Variants in CHSY3 observed in about 807,000 individuals in gnomAD.
CHSY3 encodes the protein N-acetylgalactosaminyl-proteoglycan 3-beta-glucuronosyltransferase 3.
Under a neutral mutation model 67.2 loss-of-function variants are expected in CHSY3, and 35 were observed. The ratio of observed to expected loss-of-function variants is 0.52; its 90% CI spans 0.40 to 0.69. The LOEUF is 0.69. Among genes scored for constraint, CHSY3 ranks in the 30% least tolerant of loss-of-function variants. The pLI is 0.00. For synonymous variants in CHSY3, 474 were observed against 434.7 expected (o/e 1.09, Z -1.12); for missense variants, 1,069 against 1,138.5 (o/e 0.94, Z 0.88).
At chr5:129,938,149 G>A (rs1354673047) in intron 2 of CHSY3, among the ~76,000 whole-genome samples, 1 of 152,202 alleles carries the variant, frequency 6.6e-6, no homozygotes, top group Non-Finnish European at 1.5e-5. Flanking sequence ...ACCCTCCAAA[G>A]CAACAGCCCA....
intron 2 of CHSY3, among the ~76,000 whole-genome samples, chr5:129,923,933 A>C (rs902625766): frequency 6.6e-6 from 1 of 152,254 alleles, no homozygotes; most frequent in Middle Eastern, 3.2e-3. Flanking sequence ...GACTGCATAA[A>C]TGTATTTGTT....
At chr5:130,008,066 C>T (rs1316569979) in intron 2 of CHSY3, among the ~76,000 whole-genome samples, 1 of 152,224 alleles carries the variant, frequency 6.6e-6, no homozygotes, top group Non-Finnish European at 1.5e-5. Context: ...TCATCTGCAG[C>T]ATCGCCCACC....
In CHSY3 at chr5:130,153,310, AC is replaced by A. The variant is rs1051281312; in HGVS notation, c.1087-30918del. 2.6e-4 allele frequency among the ~76,000 whole-genome samples: 40 copies of A among 152,094 alleles called. 1 individual carries two copies. Among genetic ancestry groups the A allele is most frequent in the African/African-American group, 9.4e-4 (39 of 41,504 alleles). On this transcript the variant is annotated intron_variant, in intron 2 of 2. Coordinates refer to ENST00000305031, the MANE Select transcript of CHSY3 (RefSeq NM_175856.5). ...AATTACCATTCTTGAGAAAAAAAAA[AC>A]ATACGACATAATTCACCAACTGCTT...
rs192036280 is a variant in CHSY3, at chr5:130,061,050, G to C, written c.1087-123179G>C. On this transcript the variant is annotated intron_variant, in intron 2 of 2. Transcript: ENST00000305031. ...AATTTCAATATCATTTTTCATAGAA[G>C]TATAAAAAACTCCTAAAGTTCATAT... Among the ~76,000 whole-genome samples the C allele has an allele frequency of 4.6e-5, 7 of 152,082 alleles. No individual in the cohort carries two copies. In the East Asian group the frequency reaches 1.4e-3, roughly 29 times the overall value.
chr5:129,904,780 C>A lies in CHSY3; in HGVS notation c.-50C>A. 2 of 1,311,324 alleles carry A rather than the reference C, an allele frequency of 1.5e-6. No individual in the cohort carries two copies. Among genetic ancestry groups the A allele is most frequent in the Non-Finnish European group, 1.9e-6 (2 of 1,031,166 alleles). 81.2% of individuals were successfully genotyped at this position (1,311,324 alleles called of 1,614,324 possible). ...GGGCGGGTGTGAGCCGGGGAAACCGCGTGCCGCGCCGCGACAGCCCAGCGA... is the reference window on the plus strand; with the variant it reads ...GGGCGGGTGTGAGCCGGGGAAACCGAGTGCCGCGCCGCGACAGCCCAGCGA... On this transcript the variant is annotated 5_prime_UTR_variant, in exon 1 of 3. Transcript: ENST00000305031.
intron 2 of CHSY3, among the ~76,000 whole-genome samples, chr5:129,962,781 T>G (rs1368776941): frequency 6.6e-6 from 1 of 152,012 alleles, no homozygotes; most frequent in Non-Finnish European, 1.5e-5. Flanking sequence ...GATGGCTGAA[T>G]TCCGGCTTCA....
chr5:129,947,109 A>C (rs1308615516), intron 2 of CHSY3, among the ~76,000 whole-genome samples: 2 of 152,178 alleles, frequency 1.3e-5, no homozygotes, highest in African/African-American at 4.8e-5. Flanking sequence ...GGCCTCAGGA[A>C]ACTTACAATC....
At chr5:130,178,559 G>A (rs1173606302) in intron 2 of CHSY3, among the ~76,000 whole-genome samples, 1 of 151,852 alleles carries the variant, frequency 6.6e-6, no homozygotes, top group African/African-American at 2.4e-5. Flanking sequence ...GCCGTGGTCT[G>A]GTTTTATGTT....
At chr5:130,055,991 A>G (rs908503528) in intron 2 of CHSY3, among the ~76,000 whole-genome samples, 155 of 152,294 alleles carry the variant, frequency 1.0e-3, no homozygotes, top group African/African-American at 3.6e-3. Flanking sequence ...TTTTGATCAC[A>G]TAAGTATTAA....
intron 2 of CHSY3, among the ~76,000 whole-genome samples, chr5:129,916,080 G>A (rs2149579432): frequency 6.6e-6 from 1 of 152,318 alleles, no homozygotes; most frequent in East Asian, 1.9e-4. Flanking sequence ...TATGGTCATA[G>A]TGTACTATTA....
intron 2 of CHSY3, among the ~76,000 whole-genome samples, chr5:130,071,159 A>C (rs956052506): frequency 2.0e-5 from 3 of 152,078 alleles, no homozygotes; most frequent in Admixed American, 2.0e-4. Context: ...CTCTATAATA[A>C]GGCTGCTGAG....
At chr5:130,008,629 T>C (rs973513947) in intron 2 of CHSY3, among the ~76,000 whole-genome samples, 1 of 152,140 alleles carries the variant, frequency 6.6e-6, no homozygotes, top group Non-Finnish European at 1.5e-5. Flanking sequence ...CTGAAATGGC[T>C]GAAATGACAG....
intron 2 of CHSY3, among the ~76,000 whole-genome samples, chr5:130,049,831 C>T (rs866124943): frequency 3.6e-4 from 54 of 150,028 alleles, no homozygotes; most frequent in African/African-American, 1.2e-3. Flanking sequence ...AATTTAGGGA[C>T]GGGAAGAAAT....
At chr5:130,019,218 A>G (rs114469293) in intron 2 of CHSY3, among the ~76,000 whole-genome samples, 2,435 of 152,282 alleles carry the variant, frequency 0.016, 53 homozygotes, top group African/African-American at 0.054. Context: ...TTGAAGAATA[A>G]TTGCTTGCAT....
chr5:129,931,171 CAT>C (rs1761295660), intron 2 of CHSY3, among the ~76,000 whole-genome samples: 1 of 152,084 alleles, frequency 6.6e-6, no homozygotes, highest in Non-Finnish European at 1.5e-5. Flanking sequence ...CCGGCCTACA[CAT>C]GTGTCTCCAT....
At chr5:130,086,844 G>A (rs1468681379) in intron 2 of CHSY3, among the ~76,000 whole-genome samples, 9 of 150,594 alleles carry the variant, frequency 6.0e-5, no homozygotes, top group Admixed American at 5.3e-4. Context: ...AGAAAAAGAG[G>A]GAATCCTCCC....
chr5:130,069,941 A>G (rs985476854), intron 2 of CHSY3, among the ~76,000 whole-genome samples: 1 of 152,128 alleles, frequency 6.6e-6, no homozygotes, highest in Non-Finnish European at 1.5e-5. Context: ...TACCATTTCT[A>G]CTGTAGCATT....
At chr5:129,920,949 G>C (rs1156342485) in intron 2 of CHSY3, among the ~76,000 whole-genome samples, 2 of 152,116 alleles carry the variant, frequency 1.3e-5, no homozygotes, top group Non-Finnish European at 2.9e-5. Context: ...CTCCTGAGCA[G>C]CTGAGACTGC....
intron 2 of CHSY3, among the ~76,000 whole-genome samples, chr5:129,999,641 C>T (rs1306271433): frequency 1.3e-5 from 2 of 152,130 alleles, no homozygotes; most frequent in East Asian, 3.9e-4. Context: ...CTTCCTCATT[C>T]AGATTGCTCC....
Sources: allele counts gnomAD v4.1 joint callset (sites outside exome capture counted in the v4.1 genomes callset), GRCh38; gene constraint gnomAD v4.1.1; transcripts MANE v1.5; gene names NCBI Gene and HGNC (gene_info 2026-07-23, HGNC 2026-07-21).